The following NELL1 variants were observed in gnomAD, a reference collection of about 807,000 sequenced individuals.
NELL1 encodes neural EGFL like 1.
A neutral mutation model predicts 107.4 loss-of-function variants in NELL1; 76 were observed. That is an observed-to-expected ratio of 0.71 (90% confidence interval 0.59 to 0.86). NELL1 has a LOEUF of 0.86. NELL1 is among the 40% of genes least tolerant of loss of function. The probability of loss-of-function intolerance (pLI) is 0.00; values close to 1 mark genes in which losing one functional copy is unlikely to be tolerated. For missense variants in NELL1, 1,024 were observed against 1,005.5 expected (o/e 1.02, Z -0.25); for synonymous variants, 353 against 341.2 (o/e 1.03, Z -0.38).
chr11:20,672,444 G>A (rs1410280025), intron 1 of NELL1, among the ~76,000 whole-genome samples: 1 of 152,214 alleles, frequency 6.6e-6, no homozygotes, highest in Non-Finnish European at 1.5e-5. Context: ...AGACTGCAGT[G>A]CAGACACAGT....
intron 2 of NELL1, among the ~76,000 whole-genome samples, chr11:20,723,516 T>C (rs1855439797): frequency 6.6e-6 from 1 of 152,184 alleles, no homozygotes. Context: ...CAGGGCATGC[T>C]GATACAACAG....
chr11:21,291,309 A>C (rs549364258), intron 14 of NELL1, among the ~76,000 whole-genome samples: 1 of 152,192 alleles, frequency 6.6e-6, no homozygotes, highest in African/African-American at 2.4e-5. Flanking sequence ...CAAAGACACA[A>C]CGTACCAGAA....
intron 2 of NELL1, among the ~76,000 whole-genome samples, chr11:20,762,122 C>T (rs1286211278): frequency 2.0e-5 from 3 of 152,136 alleles, no homozygotes; most frequent in African/African-American, 7.2e-5. Context: ...TTGTTTCAAG[C>T]CAGGTTCATA....
intron 7 of NELL1, among the ~76,000 whole-genome samples, chr11:20,922,001 T>A (rs1463497099): frequency 2.0e-5 from 3 of 151,502 alleles, no homozygotes; most frequent in South Asian, 4.2e-4. Context: ...TCAAGGAAGA[T>A]TTTTTTTTCC....
intron 17 of NELL1, among the ~76,000 whole-genome samples, chr11:21,567,820 C>T (rs1209220267): frequency 1.3e-5 from 2 of 151,724 alleles, no homozygotes; most frequent in Non-Finnish European, 2.9e-5. Context: ...ATTTGCAAAG[C>T]ATTGTGACAG....
chr11:21,512,560 G>A (rs1033937794), intron 15 of NELL1, among the ~76,000 whole-genome samples: 2 of 152,128 alleles, frequency 1.3e-5, no homozygotes, highest in African/African-American at 4.8e-5. Flanking sequence ...AGCCAGGAGA[G>A]GGTCTAATTC....
At chr11:21,317,051 T>C (rs140750801) in intron 14 of NELL1, among the ~76,000 whole-genome samples, 2 of 152,256 alleles carry the variant, frequency 1.3e-5, no homozygotes, top group East Asian at 1.9e-4. Flanking sequence ...AACATTTTAT[T>C]GTCCTAGGTT....
chr11:20,783,140 G>A (rs544144503), intron 2 of NELL1, among the ~76,000 whole-genome samples: 36 of 152,292 alleles, frequency 2.4e-4, no homozygotes, highest in Non-Finnish European at 4.3e-4. Context: ...TATCTGCTAG[G>A]TACAAAGCAA....
At chr11:20,822,491 G>C (rs1296173552) in intron 3 of NELL1, among the ~76,000 whole-genome samples, 1 of 152,172 alleles carries the variant, frequency 6.6e-6, no homozygotes, top group African/African-American at 2.4e-5. Context: ...TGTAGAGCAA[G>C]AGTCATTCTT....
At chr11:21,422,118 T>C (rs1010541600) in intron 15 of NELL1, among the ~76,000 whole-genome samples, 14 of 149,818 alleles carry the variant, frequency 9.3e-5, no homozygotes, top group African/African-American at 3.4e-4. Flanking sequence ...TGTGTGTGTG[T>C]GTGTGTACAC....
intron 13 of NELL1, among the ~76,000 whole-genome samples, chr11:21,208,124 GT>G (rs762819284): frequency 1.3e-5 from 2 of 151,836 alleles, no homozygotes. Flanking sequence ...TCCCCCTCAT[GT>G]TGTACATTAG....
At chr11:21,533,687 C>G (rs1253811202) in intron 15 of NELL1, among the ~76,000 whole-genome samples, 2 of 152,094 alleles carry the variant, frequency 1.3e-5, no homozygotes, top group Admixed American at 6.6e-5. Context: ...TTCCTTTCCT[C>G]AAGAATGATT....
At chr11:21,475,024 C>T (rs1854289730) in intron 15 of NELL1, among the ~76,000 whole-genome samples, 1 of 152,082 alleles carries the variant, frequency 6.6e-6, no homozygotes, top group Admixed American at 6.6e-5. Context: ...TTCAATGTCA[C>T]ATAAATCCCT....
At chr11:20,678,083 A>G (rs1854105570) in intron 2 of NELL1, 23 bp downstream of exon 2, 2 of 1,613,448 alleles carry the variant, frequency 1.2e-6, no homozygotes, top group South Asian at 2.2e-5. Context: ...CCTTTCTTGC[A>G]TGGTGGCAGA....
chr11:21,097,218 A>G (rs181218655), intron 12 of NELL1, among the ~76,000 whole-genome samples: 1 of 152,106 alleles, frequency 6.6e-6, no homozygotes, highest in South Asian at 2.1e-4. Context: ...TGACTGTCAG[A>G]TTTACCCTTC....
intron 12 of NELL1, among the ~76,000 whole-genome samples, chr11:21,000,084 A>C (rs1367698068): frequency 6.6e-6 from 1 of 152,164 alleles, no homozygotes; most frequent in Non-Finnish European, 1.5e-5. Flanking sequence ...GGTGTTGGCA[A>C]TGATTGACTA....
At chr11:20,743,872 A>G (rs1316191214) in intron 2 of NELL1, among the ~76,000 whole-genome samples, 2 of 152,180 alleles carry the variant, frequency 1.3e-5, no homozygotes, top group Non-Finnish European at 2.9e-5. Flanking sequence ...ATGGTATGCC[A>G]AAACTATCCA....
chr11:21,235,312 C>T (rs893273342), intron 14 of NELL1, among the ~76,000 whole-genome samples: 6 of 152,112 alleles, frequency 3.9e-5, no homozygotes, highest in African/African-American at 9.7e-5. Context: ...GAGTGCTCCT[C>T]TGGTTATAGA....
intron 4 of NELL1, among the ~76,000 whole-genome samples, chr11:20,867,711 A>AT (rs1444296142): frequency 1.3e-5 from 2 of 152,142 alleles, no homozygotes; most frequent in Non-Finnish European, 2.9e-5. Flanking sequence ...TTTCCTTCTT[A>AT]TTTTTATTTG....
Sources: gnomAD v4.1 joint callset for allele counts (sites outside exome capture counted in the v4.1 genomes callset) on GRCh38, gnomAD v4.1.1 for gene constraint, MANE v1.5 for transcripts, NCBI Gene and HGNC (gene_info 2026-07-23, HGNC 2026-07-21) for gene names.